AGTPBP1: variants seen among roughly 807,000 people sequenced by gnomAD.
The protein encoded by AGTPBP1 is ATP/GTP binding carboxypeptidase 1, also known as cytosolic carboxypeptidase 1.
A neutral mutation model predicts 143.9 loss-of-function variants in AGTPBP1; 70 were observed. The observed-to-expected ratio is 0.49, with a 90% CI of 0.40 to 0.59. AGTPBP1 has a LOEUF of 0.59. AGTPBP1 is among the 20% of genes least tolerant of loss of function. AGTPBP1 has a pLI of 0.00. For synonymous variants in AGTPBP1, 463 were observed against 500.2 expected (o/e 0.93, Z 0.99); for missense variants, 1,229 against 1,464.5 (o/e 0.84, Z 2.62).
At chr9:85,798,073 T>G in the AGTPBP1 span, among the ~76,000 whole-genome samples, 1 of 151,116 alleles carries the variant, frequency 6.6e-6, no homozygotes, top group Non-Finnish European at 1.5e-5. Flanking sequence ...TTTTTTTTTT[T>G]GTATTTTTGG....
chr9:85,738,325 G>A (rs1291710712), intron 1 of AGTPBP1, among the ~76,000 whole-genome samples: 3 of 149,994 alleles, frequency 2.0e-5, no homozygotes. Context: ...ATACTGGAGG[G>A]AAAAAAAAAG....
intron 1 of AGTPBP1, chr9:85,741,522 G>A (rs893839392): frequency 1.0e-6 from 1 of 985,332 alleles, no homozygotes; most frequent in African/African-American, 1.7e-5. Flanking sequence ...GATCCACCGA[G>A]GGTCCGGGGA....
Position 85,619,152 on chromosome 9 carries a change from A to T in AGTPBP1, c.2187-21T>A, listed in dbSNP as rs200263667. On this transcript the variant is annotated intron_variant, in intron 16 of 25. Coordinates refer to ENST00000357081, the MANE Select transcript of AGTPBP1 (RefSeq NM_001330701.2). ...CATTTCTGAAAATAGAAGACAAAGA[A>T]ATCTGATGAAAATTAGGAAATATCT... is the stretch of plus-strand genomic sequence containing the variant. The T allele has an allele frequency of 6.1e-4, 978 of 1,610,908 alleles. 1 individual carries two copies. Among genetic ancestry groups the T allele is most frequent in the Non-Finnish European group, 7.9e-4 (935 of 1,178,292 alleles).
the AGTPBP1 span, among the ~76,000 whole-genome samples, chr9:85,775,995 C>A: frequency 6.6e-6 from 1 of 152,156 alleles, no homozygotes; most frequent in South Asian, 2.1e-4. Flanking sequence ...ACAAGTCCAT[C>A]CCTTGTCAAC....
chr9:85,580,527 G>C (rs1828192824), intron 23 of AGTPBP1, among the ~76,000 whole-genome samples: 1 of 151,946 alleles, frequency 6.6e-6, no homozygotes, highest in South Asian at 2.1e-4. Context: ...TATTTTAAAA[G>C]ACACAGATCA....
At chr9:85,699,953 A>G (rs978368031) in intron 2 of AGTPBP1, among the ~76,000 whole-genome samples, 1 of 152,226 alleles carries the variant, frequency 6.6e-6, no homozygotes, top group African/African-American at 2.4e-5. Flanking sequence ...AAAAGTAAAG[A>G]TTTAGAGAGA....
At chr9:85,689,942 A>ATG (rs1835753404) in intron 3 of AGTPBP1, among the ~76,000 whole-genome samples, 3 of 140,418 alleles carry the variant, frequency 2.1e-5, no homozygotes, top group African/African-American at 7.9e-5. Flanking sequence ...ATATATATAT[A>ATG]TATATCTTAA....
At chr9:85,657,409 A>T (rs746032843) in intron 10 of AGTPBP1, 26 bp downstream of exon 10, 2 of 1,555,332 alleles carry the variant, frequency 1.3e-6, no homozygotes, top group Non-Finnish European at 1.8e-6. Flanking sequence ...GTACATAATC[A>T]CAATAATAAG....
chr9:85,648,594 C>T (rs939551231), intron 11 of AGTPBP1, among the ~76,000 whole-genome samples: 6 of 152,136 alleles, frequency 3.9e-5, no homozygotes, highest in South Asian at 2.1e-4. Context: ...GGGCGGATCA[C>T]GAGGTCAGGA....
intron 1 of AGTPBP1, among the ~76,000 whole-genome samples, chr9:85,734,514 C>T (rs1015806298): frequency 1.3e-5 from 2 of 152,076 alleles, no homozygotes; most frequent in African/African-American, 4.8e-5. Flanking sequence ...TACTAGGAAA[C>T]CAAATACAGC....
In AGTPBP1 at chr9:85,633,107, G is replaced by A. The variant is rs771648309; in HGVS notation, c.1570C>T (p.His524Tyr). ...GDQNRTISSV[H>Y]GLNNDIVKAL... The stretch of plus-strand genomic sequence containing the variant: ...TTTACAATATCATTGTTTAAACCAT[G>A]GACTGATGAAATAGTTCTATTTTGA... The change falls in exon 14 of 26, where the codon CAT becomes TAT. Residue 524 changes from histidine to tyrosine, a missense_variant. Transcript: ENST00000357081. 8.7e-6 allele frequency: 14 copies of A among 1,614,080 alleles called. No individual in the cohort carries two copies. In the East Asian group the frequency reaches 2.0e-4, roughly 23 times the overall value.
At chr9:85,664,214 G>A (rs2134004722) in intron 8 of AGTPBP1, among the ~76,000 whole-genome samples, 1 of 152,226 alleles carries the variant, frequency 6.6e-6, no homozygotes, top group Middle Eastern at 3.4e-3. Context: ...AGCCTCTGGG[G>A]GTGATAGAGA....
chr9:85,723,486 G>A (rs1441167349), intron 1 of AGTPBP1, among the ~76,000 whole-genome samples: 1 of 152,214 alleles, frequency 6.6e-6, no homozygotes, highest in African/African-American at 2.4e-5. Context: ...CCATGGGCGT[G>A]AGACCTGCTG....
intron 3 of AGTPBP1, among the ~76,000 whole-genome samples, chr9:85,692,425 T>C (rs1374025315): frequency 6.6e-6 from 1 of 151,888 alleles, no homozygotes; most frequent in Non-Finnish European, 1.5e-5. Flanking sequence ...AGGTGCATGC[T>C]ACCACACCCG....
intron 13 of AGTPBP1, among the ~76,000 whole-genome samples, chr9:85,639,471 A>G (rs1832323870): frequency 1.3e-5 from 2 of 152,140 alleles, no homozygotes; most frequent in Admixed American, 1.3e-4. Context: ...AAAATAAAAA[A>G]GAATGAAAGC....
intron 8 of AGTPBP1, among the ~76,000 whole-genome samples, chr9:85,668,763 GTAAT>G (rs1182403540): frequency 6.6e-6 from 1 of 151,148 alleles, no homozygotes; most frequent in Non-Finnish European, 1.5e-5. Flanking sequence ...AACACAACAA[GTAAT>G]TAATATAACT....
Position 85,657,641 on chromosome 9 carries a change from T to C in AGTPBP1, c.703A>G (p.Thr235Ala). The change falls in exon 10 of 26, where the codon ACA becomes GCA. Residue 235 changes from threonine (T) to alanine (A), a missense_variant and splice_region_variant. By Grantham distance (58) the Thr-to-Ala change is moderately conservative. Transcript: ENST00000357081. Reference protein sequence around the residue: ...DTLAALLKSKTNARRAVDRGY... With the variant: ...DTLAALLKSKANARRAVDRGY... Reference sequence around the variant, plus strand: ...CTGTCTACAGCTCTCCTGGCATTTGTTTCTTTAACAAAAGAAGATTGAGAA... The same window carrying C: ...CTGTCTACAGCTCTCCTGGCATTTGCTTCTTTAACAAAAGAAGATTGAGAA... 2 of 1,593,862 alleles carry C rather than the reference T, an allele frequency of 1.3e-6. No homozygotes were observed. The highest frequency in any genetic ancestry group is 1.7e-4 in the Middle Eastern group (1 of 5,966).
chr9:85,650,677 G>A (rs187207704), intron 11 of AGTPBP1, among the ~76,000 whole-genome samples: 1 of 152,202 alleles, frequency 6.6e-6, no homozygotes, highest in East Asian at 1.9e-4. Flanking sequence ...GTATTCAAAT[G>A]CATTCGCAGG....
chr9:85,773,925 C>T, the AGTPBP1 span: 2 of 1,600,706 alleles, frequency 1.2e-6, no homozygotes, highest in Non-Finnish European at 1.7e-6. Context: ...TAATATGGTT[C>T]GTGAATTAGA....
Sources: gnomAD v4.1 joint callset for allele counts (sites outside exome capture counted in the v4.1 genomes callset) on GRCh38, gnomAD v4.1.1 for gene constraint, MANE v1.5 for transcripts, NCBI Gene and HGNC (gene_info 2026-07-23, HGNC 2026-07-21) for gene names.